MALRD1: variants seen among roughly 807,000 people sequenced by gnomAD.
MALRD1 encodes the protein MAM and LDL-receptor class A domain-containing protein 1.
MALRD1 carries 247 observed loss-of-function variants against 242.1 expected under a neutral mutation model. That is an observed-to-expected ratio of 1.02 (90% CI 0.92 to 1.13). The LOEUF (loss-of-function observed/expected upper bound fraction) is 1.13. Among genes scored for constraint, MALRD1 ranks in the 50% most tolerant of loss-of-function variants. The pLI is 0.00. For missense variants in MALRD1, 2,989 were observed against 2,533.1 expected, an observed-to-expected ratio of 1.18 and a Z score of -3.86; for synonymous variants, 995 against 866.6, an observed-to-expected ratio of 1.15 and a Z score of -2.60.
At chr10:19,669,772 A>G (rs1003351697) in intron 36 of MALRD1, among the ~76,000 whole-genome samples, 2 of 152,224 alleles carry the variant, frequency 1.3e-5, no homozygotes, top group East Asian at 1.9e-4. Context: ...TAATAATGTT[A>G]TAACTTCTGA....
At chr10:19,302,779 T>A (rs1842008376) in intron 21 of MALRD1, among the ~76,000 whole-genome samples, 1 of 151,782 alleles carries the variant, frequency 6.6e-6, no homozygotes, top group African/African-American at 2.4e-5. Context: ...AACTCAAGGC[T>A]AATTTTTTGA....
In MALRD1 at chr10:19,280,195, C is replaced by T; in HGVS notation, c.3228C>T (p.Cys1076=). ...KMQKCDFKYD[C]PDKSDEASCV... The stretch of plus-strand genomic sequence containing the variant: ...AGAAATGTGATTTTAAATATGACTG[C>T]CCTGACAAATCAGATGAAGCATCCT... The change falls in exon 20 of 40, where the codon TGC becomes TGT. Residue 1076 remains cysteine (C), a synonymous_variant. Transcript: ENST00000454679. 6.6e-7 allele frequency: 1 copy of T among 1,520,426 alleles called. No homozygotes were observed. Among genetic ancestry groups the T allele is most frequent in the Non-Finnish European group, 8.8e-7 (1 of 1,136,746 alleles). 94.2% of individuals were successfully genotyped at this position (1,520,426 alleles called of 1,614,324 possible).
intron 29 of MALRD1, among the ~76,000 whole-genome samples, chr10:19,484,552 A>T (rs1309913664): frequency 6.6e-6 from 1 of 152,194 alleles, no homozygotes; most frequent in Non-Finnish European, 1.5e-5. Context: ...ACAAAATAGC[A>T]ACAGTTTTTT....
chr10:19,279,883 A>G (rs1458033565), intron 19 of MALRD1, among the ~76,000 whole-genome samples, 164 bp from the exon 20 acceptor site: 1 of 152,222 alleles, frequency 6.6e-6, no homozygotes, highest in East Asian at 1.9e-4. Flanking sequence ...TACTGTTACT[A>G]AAAACAAGAA....
chr10:19,450,461 A>G lies in MALRD1; in HGVS notation c.5000A>G (p.Asp1667Gly), dbSNP rs1295575310. ...GACCTGGGAGGAGGAGCTGCAATTG[A>G]TGATATTGAATTTAAAAACTGCACA... ...TRDLGGGAAI[D>G]DIEFKNCTTV... is the part of the protein sequence containing the mutation. The change falls in exon 29 of 40, where the codon GAT becomes GGT. Residue 1667 changes from aspartate to glycine, a missense_variant. Physicochemically the swap from Asp to Gly is moderately conservative, Grantham distance 94. Coordinates refer to ENST00000454679, the MANE Select transcript of MALRD1 (RefSeq NM_001142308.3). 7.7e-6 allele frequency: 12 copies of G among 1,549,590 alleles called. No individual in the cohort carries two copies. In the East Asian group the frequency reaches 2.9e-4, roughly 38 times the overall value.
At chr10:19,284,433 G>A (rs1841002743) in intron 21 of MALRD1, among the ~76,000 whole-genome samples, 1 of 125,226 alleles carries the variant, frequency 8.0e-6, no homozygotes, top group South Asian at 2.6e-4. Context: ...CCCAGAGTGT[G>A]ATGTTCCCCT....
rs750151539 is a variant in MALRD1, at chr10:19,730,745, A to T, written c.6354A>T (p.Pro2118=). Residue 2118 remains proline (P), a synonymous_variant, in exon 39 of 40, where the codon CCA becomes CCT. Transcript: ENST00000454679. ...GTGGTAACTGTGCCTTTGTCAATCC[A>T]GTTTACGGGAACTGGAGCAACCCAG... ...EGSGNCAFVN[P]VYGNWSNPEK... is the part of the protein sequence containing the mutation. 3 of 1,536,588 alleles carry T rather than the reference A, an allele frequency of 2.0e-6. No homozygotes were observed. Among genetic ancestry groups the T allele is most frequent in the Non-Finnish European group, 2.6e-6 (3 of 1,147,044 alleles).
chr10:19,349,865 G>T (rs1001253867), intron 25 of MALRD1, among the ~76,000 whole-genome samples: 3 of 152,022 alleles, frequency 2.0e-5, no homozygotes, highest in Non-Finnish European at 4.4e-5. Flanking sequence ...TCATACTGTA[G>T]TAACTAAGAT....
intron 14 of MALRD1, among the ~76,000 whole-genome samples, chr10:19,185,333 A>C (rs1043128324): frequency 6.6e-6 from 1 of 152,164 alleles, no homozygotes; most frequent in Non-Finnish European, 1.5e-5. Flanking sequence ...TTCTGTCTAA[A>C]ACCTATTTAG....
rs1193679255 is a variant in MALRD1, at chr10:19,707,759, G to A, written c.6314+15205G>A. 5.4e-4 allele frequency among the ~76,000 whole-genome samples: 61 copies of A among 113,524 alleles called. 3 individuals are homozygous for A. Among genetic ancestry groups the A allele is most frequent in the African/African-American group, 1.6e-3 (58 of 36,036 alleles). The allele number at this position is 113,524 out of a possible 152,430, so 74.5% of individuals were successfully genotyped here. A position where few individuals can be genotyped will look rare whatever the true frequency, so the allele number is the denominator to read the frequency against. On this transcript the variant is annotated intron_variant, in intron 38 of 39. Transcript: ENST00000454679. Reference sequence around the variant, plus strand: ...AGGCCTGGAGTTCAAGACCAGCCTGGCTAACATGGTGAAACCCCATCTGTA... The same window carrying A: ...AGGCCTGGAGTTCAAGACCAGCCTGACTAACATGGTGAAACCCCATCTGTA...
intron 33 of MALRD1, among the ~76,000 whole-genome samples, chr10:19,572,867 C>T (rs1045801252): frequency 4.6e-5 from 7 of 152,084 alleles, no homozygotes; most frequent in Non-Finnish European, 7.4e-5. Flanking sequence ...AGGAGTGGAG[C>T]AGCTTCTCCC....
chr10:19,497,759 G>A (rs576431277), intron 30 of MALRD1, among the ~76,000 whole-genome samples: 4 of 152,142 alleles, frequency 2.6e-5, no homozygotes, highest in South Asian at 4.1e-4. Flanking sequence ...TCTGTACAAC[G>A]CAGTCTGGTT....
intron 32 of MALRD1, among the ~76,000 whole-genome samples, chr10:19,554,614 G>C (rs1835633903): frequency 6.6e-6 from 1 of 151,982 alleles, no homozygotes; most frequent in African/African-American, 2.4e-5. Flanking sequence ...TCATTGTTCA[G>C]CTCCCACTTA....
At chr10:19,360,298 C>T (rs1041440427) in intron 26 of MALRD1, among the ~76,000 whole-genome samples, 2 of 152,044 alleles carry the variant, frequency 1.3e-5, no homozygotes, top group Non-Finnish European at 2.9e-5. Context: ...CTTTTAATGT[C>T]TGAAAGCTCT....
intron 18 of MALRD1, among the ~76,000 whole-genome samples, chr10:19,242,196 A>G (rs1160315689): frequency 6.6e-6 from 1 of 152,140 alleles, no homozygotes; most frequent in African/African-American, 2.4e-5. Context: ...CATGGTAGCA[A>G]ACAAAATAGA....
intron 36 of MALRD1, among the ~76,000 whole-genome samples, chr10:19,689,410 T>C (rs971623175): frequency 1.3e-5 from 2 of 152,190 alleles, no homozygotes; most frequent in Non-Finnish European, 2.9e-5. Context: ...TTGTTATTAA[T>C]GTAATAAACA....
intron 21 of MALRD1, among the ~76,000 whole-genome samples, chr10:19,318,976 C>A (rs1412601304): frequency 1.5e-4 from 1 of 6,548 alleles, no homozygotes; most frequent in Non-Finnish European, 4.0e-4. Context: ...CACAGACATA[C>A]ACACACACAC....
intron 36 of MALRD1, among the ~76,000 whole-genome samples, chr10:19,627,232 A>G (rs930352021): frequency 1.3e-5 from 2 of 152,158 alleles, no homozygotes; most frequent in Non-Finnish European, 1.5e-5. Flanking sequence ...GGGGAAAAGC[A>G]TAAAATTTCT....
In MALRD1 at chr10:19,200,893, T is replaced by C. The variant is rs183530188; in HGVS notation, c.1952-2835T>C. 9.6e-4 allele frequency among the ~76,000 whole-genome samples: 146 copies of C among 152,166 alleles called. 1 individual carries two copies. Among genetic ancestry groups the C allele is most frequent in the Non-Finnish European group, 1.6e-3 (108 of 68,010 alleles). Reference sequence around the variant, plus strand: ...TTAGCTTTTTAATCTATAGCCATAGTACAGACAGGCATAATTTTTATTAAA... The same window carrying C: ...TTAGCTTTTTAATCTATAGCCATAGCACAGACAGGCATAATTTTTATTAAA... On this transcript the variant is annotated intron_variant, in intron 14 of 39. Coordinates refer to ENST00000454679, the MANE Select transcript of MALRD1 (RefSeq NM_001142308.3).
Sources: gnomAD v4.1 joint callset for allele counts (sites outside exome capture counted in the v4.1 genomes callset) on GRCh38, gnomAD v4.1.1 for gene constraint, MANE v1.5 for transcripts, NCBI Gene and HGNC (gene_info 2026-07-23, HGNC 2026-07-21) for gene names.